The following CEP83 variants were observed in gnomAD, a reference collection of about 807,000 sequenced individuals.
The protein encoded by CEP83 is centrosomal protein of 83 kDa.
CEP83 carries 70 observed loss-of-function variants against 101.9 expected under a neutral mutation model. The observed-to-expected ratio is 0.69, with a 90% confidence interval of 0.57 to 0.84. The LOEUF (loss-of-function observed/expected upper bound fraction) is 0.84, where lower values mean the gene tolerates loss of function less well. Among genes scored for constraint, CEP83 ranks in the 40% least tolerant of loss-of-function variants. The pLI is 0.00. For synonymous variants in CEP83, 264 were observed against 267.9 expected (o/e 0.99, Z 0.14); for missense variants, 715 against 787.2 (o/e 0.91, Z 1.10).
At chr12:94,343,275 T>C (rs781403795) in intron 11 of CEP83, among the ~76,000 whole-genome samples, 3 of 151,894 alleles carry the variant, frequency 2.0e-5, no homozygotes, top group Non-Finnish European at 4.4e-5. Context: ...AAGACACCCA[T>C]TCTAAGACTC....
rs1217891995 is a variant in CEP83, at chr12:94,329,256, GT to G, written c.1707+2443del. 4.6e-5 allele frequency among the ~76,000 whole-genome samples: 7 copies of G among 152,060 alleles called. No homozygotes were observed. The South Asian group carries it at 1.2e-3, about 27-fold the overall frequency. ...AAATGTTACTTTGTAGTGTTTTGGGGTTTTTTTGTTTAATTATTATTTTTTT... is the reference window on the plus strand; with the variant it reads ...AAATGTTACTTTGTAGTGTTTTGGGGTTTTTTGTTTAATTATTATTTTTTT... On this transcript the variant is annotated intron_variant, in intron 14 of 16. Coordinates refer to ENST00000397809, the MANE Select transcript of CEP83 (RefSeq NM_016122.3).
chr12:94,409,811 T>C (rs187809895), intron 4 of CEP83, among the ~76,000 whole-genome samples: 3 of 152,238 alleles, frequency 2.0e-5, no homozygotes, highest in Admixed American at 6.5e-5. Flanking sequence ...CACCATCACA[T>C]AGTGCTCCTC....
intron 11 of CEP83, among the ~76,000 whole-genome samples, chr12:94,365,260 T>C (rs1347691344): frequency 6.6e-6 from 1 of 152,206 alleles, no homozygotes; most frequent in Non-Finnish European, 1.5e-5. Flanking sequence ...CATGGAACAT[T>C]GTTCAATCTC....
At chr12:94,280,382 G>A in the CEP83 span, among the ~76,000 whole-genome samples, 2 of 152,206 alleles carry the variant, frequency 1.3e-5, no homozygotes, top group African/African-American at 4.8e-5. Context: ...AGTGTAACGA[G>A]GTTCACTTCC....
chr12:94,356,051 C>T (rs2060457415), intron 11 of CEP83, among the ~76,000 whole-genome samples: 1 of 151,898 alleles, frequency 6.6e-6, no homozygotes, highest in African/African-American at 2.4e-5. Flanking sequence ...GTTAGGGTCT[C>T]CCCTACCAAG....
chr12:94,354,392 G>C lies in CEP83; in HGVS notation c.1343+13402C>G, dbSNP rs1593355647. 2.6e-5 allele frequency among the ~76,000 whole-genome samples: 4 copies of C among 151,950 alleles called. 1 individual carries two copies. Among genetic ancestry groups the C allele is most frequent in the Admixed American group, 2.6e-4 (4 of 15,262 alleles). On this transcript the variant is annotated intron_variant, in intron 11 of 16. Transcript: ENST00000397809. The stretch of plus-strand genomic sequence containing the variant: ...GTAGGGACAAGGTTTCACCATTTTG[G>C]CCAGGCTGCTCTCCAACTCCTGACC...
At chr12:94,441,925 A>C (rs1405098352) in intron 1 of CEP83, among the ~76,000 whole-genome samples, 4 of 150,284 alleles carry the variant, frequency 2.7e-5, no homozygotes, top group African/African-American at 7.5e-5. Context: ...AAAAAAAAAA[A>C]AAAAAAAAAA....
At chr12:94,431,186 A>G (rs1437518673) in intron 2 of CEP83, among the ~76,000 whole-genome samples, 3 of 152,214 alleles carry the variant, frequency 2.0e-5, no homozygotes, top group Non-Finnish European at 4.4e-5. Context: ...AAGGACATAC[A>G]TTTGGGAAAG....
intron 14 of CEP83, among the ~76,000 whole-genome samples, chr12:94,314,393 G>C (rs1325343603): frequency 6.6e-6 from 1 of 152,160 alleles, no homozygotes; most frequent in Non-Finnish European, 1.5e-5. Context: ...TCCTCTGAAA[G>C]GGTAACCAAC....
intron 1 of CEP83, among the ~76,000 whole-genome samples, chr12:94,448,323 T>C (rs2066960942): frequency 6.6e-6 from 1 of 151,758 alleles, no homozygotes. Flanking sequence ...AAAGAGATAA[T>C]TAAAAAGAGA....
In CEP83 at chr12:94,443,166, C is replaced by T. The variant is rs186955415; in HGVS notation, c.-154-7839G>A. Among the ~76,000 whole-genome samples, 1,006 of 152,294 alleles carry T rather than the reference C, an allele frequency of 6.6e-3. 9 individuals carry two copies. The highest frequency in any genetic ancestry group is 0.011 in the Non-Finnish European group (731 of 68,024). ...TACAAATTCAAACATTTTGCTGCCC[C>T]ACAGGACCCCTTTGCTAGAGTCAAT... is the stretch of plus-strand genomic sequence containing the variant. On this transcript the variant is annotated intron_variant, in intron 1 of 16. Coordinates refer to ENST00000397809, the MANE Select transcript of CEP83 (RefSeq NM_016122.3).
chr12:94,367,727 T>A, intron 11 of CEP83, 67 bp downstream of exon 11: 1 of 1,148,620 alleles, frequency 8.7e-7, no homozygotes, highest in South Asian at 1.7e-5. Context: ...GTACTAGTTG[T>A]ACATCATTTT....
At chr12:94,368,425 TAC>T in intron 9 of CEP83, 2 of 458,436 alleles carry the variant, frequency 4.4e-6, no homozygotes, top group South Asian at 7.8e-5. Context: ...ATTTAGTGCA[TAC>T]ACATATAAAA....
In CEP83 at chr12:94,422,386, G is replaced by A. The variant is rs543367756; in HGVS notation, c.-101-9795C>T. Among the ~76,000 whole-genome samples, 26 of 152,242 alleles carry A rather than the reference G, an allele frequency of 1.7e-4. No homozygotes were observed. The East Asian group carries it at 2.1e-3, about 12-fold the overall frequency. On this transcript the variant is annotated intron_variant, in intron 2 of 16. Transcript: ENST00000397809. Reference sequence around the variant, plus strand: ...ATCCTTTATCATAGTGTTGATTTCCGCGACACTGAATACCCATTTCCAACA... The same window carrying A: ...ATCCTTTATCATAGTGTTGATTTCCACGACACTGAATACCCATTTCCAACA...
intron 4 of CEP83, among the ~76,000 whole-genome samples, chr12:94,406,023 TTC>T (rs1210593853): frequency 1.3e-5 from 2 of 152,186 alleles, no homozygotes; most frequent in African/African-American, 4.8e-5. Context: ...TAAGAATAGT[TTC>T]TGTTCCCCAA....
intron 1 of CEP83, among the ~76,000 whole-genome samples, chr12:94,443,210 G>A (rs1013097390): frequency 2.0e-5 from 3 of 151,926 alleles, no homozygotes; most frequent in African/African-American, 4.8e-5. Context: ...CAGACCCCCA[G>A]GACCCCTTTG....
chr12:94,395,472 T>TA (rs2062829348), intron 6 of CEP83, among the ~76,000 whole-genome samples: 1 of 152,138 alleles, frequency 6.6e-6, no homozygotes, highest in African/African-American at 2.4e-5. Flanking sequence ...TATACAAAAA[T>TA]ATTTTGTCAT....
intron 1 of CEP83, among the ~76,000 whole-genome samples, chr12:94,442,372 A>T (rs2066474165): frequency 6.9e-6 from 1 of 144,028 alleles, no homozygotes; most frequent in East Asian, 2.3e-4. Flanking sequence ...GGGGGGAAGG[A>T]GGGAGGGGGG....
chr12:94,419,801 A>C (rs1851945711), intron 2 of CEP83, among the ~76,000 whole-genome samples: 2 of 152,162 alleles, frequency 1.3e-5, no homozygotes, highest in Non-Finnish European at 2.9e-5. Flanking sequence ...TGTAGAAAAA[A>C]AGAAACTTGC....
Sources: allele counts gnomAD v4.1 joint callset (sites outside exome capture counted in the v4.1 genomes callset), GRCh38; gene constraint gnomAD v4.1.1; transcripts MANE v1.5; gene names NCBI Gene and HGNC (gene_info 2026-07-23, HGNC 2026-07-21).